The following GPAM variants were observed in gnomAD, a reference collection of about 807,000 sequenced individuals.
GPAM encodes the protein glycerol-3-phosphate acyltransferase 1, mitochondrial.
A neutral mutation model predicts 105.0 loss-of-function variants in GPAM; 56 were observed. The observed-to-expected ratio is 0.53, with a 90% CI of 0.43 to 0.67. The LOEUF is 0.67. Among genes scored for constraint, GPAM ranks in the 30% least tolerant of loss-of-function variants. GPAM has a pLI of 0.00. For synonymous variants in GPAM, 368 were observed against 354.4 expected (o/e 1.04, Z -0.43); for missense variants, 855 against 989.8 (o/e 0.86, Z 1.83).
chr10:112,186,704 G>A (rs951618624), upstream of GPAM, among the ~76,000 whole-genome samples: 11 of 151,844 alleles, frequency 7.2e-5, no homozygotes, highest in Non-Finnish European at 1.0e-4. Context: ...CCGCCACAAC[G>A]CCCAGCTAAT....
At chr10:112,223,794 G>A in the GPAM span, among the ~76,000 whole-genome samples, 7 of 152,172 alleles carry the variant, frequency 4.6e-5, no homozygotes, top group African/African-American at 1.7e-4. Context: ...CACAAAAGCT[G>A]CCAATATAAA....
At chr10:112,172,070 A>G in intron 9 of GPAM, 112 bp downstream of exon 9, 1 of 823,934 alleles carries the variant, frequency 1.2e-6, no homozygotes, top group East Asian at 2.7e-5. Context: ...TAATAAAAGA[A>G]AAAAGGCTAA....
At chr10:112,219,161 C>A (rs960604914), upstream of GPAM, among the ~76,000 whole-genome samples, 1 of 152,188 alleles carries the variant, frequency 6.6e-6, no homozygotes, top group Non-Finnish European at 1.5e-5. Context: ...GTGACAGCAT[C>A]CTCCCAGATT....
rs764956802 is a variant in GPAM, at chr10:112,173,791, G to C, written c.468C>G (p.Ala156=). 5 of 1,612,978 alleles carry C rather than the reference G, an allele frequency of 3.1e-6. No homozygotes were observed. The South Asian group carries it at 5.5e-5, about 18-fold the overall frequency. The change falls in exon 7 of 22, where the codon GCC becomes GCG. Residue 156 remains alanine, a synonymous_variant. Transcript: ENST00000348367. ...VAAELNPDGS[A]QQQSKAVNKV... ...TGTTAACGGCTTTTGATTGCTGCTG[G>C]GCAGAACCATCAGGGTTTAATTCAG...
intron 1 of GPAM, among the ~76,000 whole-genome samples, chr10:112,195,020 G>C (rs1847706329): frequency 6.6e-6 from 1 of 151,958 alleles, no homozygotes. Context: ...ATCTTCACTG[G>C]GGGGCATAAT....
In GPAM at chr10:112,173,772, C is replaced by A. The variant is rs544144219; in HGVS notation, c.487G>T (p.Val163Phe). The change falls in exon 7 of 22, where the codon GTT (valine) becomes TTT (phenylalanine). Residue 163 changes from valine to phenylalanine, a missense_variant. Coordinates refer to ENST00000348367, the MANE Select transcript of GPAM (RefSeq NM_001244949.2). ...DGSAQQQSKA[V>F]NKVKKKAKRI... ...TTAGCTTTCTTTTTCACTTTGTTAACGGCTTTTGATTGCTGCTGGGCAGAA... is the reference window on the plus strand; with the variant it reads ...TTAGCTTTCTTTTTCACTTTGTTAAAGGCTTTTGATTGCTGCTGGGCAGAA... The A allele has an allele frequency of 2.5e-6, 4 of 1,613,590 alleles. No individual in the cohort carries two copies. Among genetic ancestry groups the A allele is most frequent in the Middle Eastern group, 1.7e-4 (1 of 6,060 alleles).
At position 112,152,305 on chromosome 10, in the gene GPAM, T is replaced by C; in HGVS notation, c.*1245A>G. On this transcript the variant is annotated 3_prime_UTR_variant, in exon 22 of 22. Coordinates refer to ENST00000348367, the MANE Select transcript of GPAM (RefSeq NM_001244949.2). ...ATAATAAACCAATAATTATGCTCCC[T>C]GCTCACAAAAGGCACCTACCAATTA... 2 of 984,610 alleles carry C rather than the reference T, an allele frequency of 2.0e-6. No homozygotes were observed. The highest frequency in any genetic ancestry group is 2.4e-6 in the Non-Finnish European group (2 of 829,194). The allele number at this position is 984,610 out of a possible 1,614,324, so 61.0% of individuals were successfully genotyped here. A position where few individuals can be genotyped will look rare whatever the true frequency, so the allele number is the denominator to read the frequency against.
rs1846906652 is a variant in GPAM at position 112,151,007 on chromosome 10, T to C, written c.*2543A>G. On this transcript the variant is annotated 3_prime_UTR_variant, in exon 22 of 22. Transcript: ENST00000348367. ...CACATTTCCCACTAGTTTTTGCCTT[T>C]GTTTTTCATGCATTTTCAGAGTGCA... is the stretch of plus-strand genomic sequence containing the variant. The C allele has an allele frequency of 1.1e-5, 11 of 985,816 alleles. No individual in the cohort carries two copies. Among genetic ancestry groups the C allele is most frequent in the African/African-American group, 1.7e-5 (1 of 57,358 alleles). 61.1% of individuals were successfully genotyped at this position (985,816 alleles called of 1,614,324 possible). A position where few individuals can be genotyped will look rare whatever the true frequency, so the allele number is the denominator to read the frequency against.
chr10:112,222,861 T>TCCATG, the GPAM span, among the ~76,000 whole-genome samples: 1 of 151,904 alleles, frequency 6.6e-6, no homozygotes, highest in East Asian at 1.9e-4. Context: ...GGGTAAATGA[T>TCCATG]CCATGCCATG....
chr10:112,188,748 G>C (rs1374233635), upstream of GPAM, among the ~76,000 whole-genome samples: 1 of 152,146 alleles, frequency 6.6e-6, no homozygotes, highest in Non-Finnish European at 1.5e-5. Context: ...ATATTGACCA[G>C]TATACCTGCT....
chr10:112,224,375 T>C, the GPAM span, among the ~76,000 whole-genome samples: 1 of 152,158 alleles, frequency 6.6e-6, no homozygotes, highest in East Asian at 1.9e-4. Flanking sequence ...GATGCATTCT[T>C]TTAGTATGTA....
chr10:112,193,053 G>A (rs1365606562), intron 1 of GPAM, among the ~76,000 whole-genome samples: 1 of 152,228 alleles, frequency 6.6e-6, no homozygotes, highest in East Asian at 1.9e-4. Context: ...AATCACCTGT[G>A]TCAGTCATGG....
At chr10:112,176,023 CA>C (rs1195104451) in intron 5 of GPAM, among the ~76,000 whole-genome samples, 1 of 152,014 alleles carries the variant, frequency 6.6e-6, no homozygotes, top group African/African-American at 2.4e-5. Context: ...ATTAAAAAGG[CA>C]AAAATGTTTA....
At chr10:112,186,581 C>T (rs1847598937), upstream of GPAM, among the ~76,000 whole-genome samples, 1 of 152,034 alleles carries the variant, frequency 6.6e-6, no homozygotes, top group African/African-American at 2.4e-5. Flanking sequence ...CTCTGTCACC[C>T]AGGCTGGAGT....
At chr10:112,156,231 G>A (rs1847016004) in intron 19 of GPAM, 178 bp from the exon 20 acceptor site, 1 of 640,638 alleles carries the variant, frequency 1.6e-6, no homozygotes, top group Non-Finnish European at 2.8e-6. Flanking sequence ...AACAACTGCT[G>A]GCTTTCAAAC....
chr10:112,212,579 T>A (rs977566380), intron 1 of GPAM, among the ~76,000 whole-genome samples: 2 of 152,158 alleles, frequency 1.3e-5, no homozygotes, highest in Admixed American at 1.3e-4. Context: ...TTACTTTTAA[T>A]AACAGAAACC....
At chr10:112,174,192 T>C (rs181220368) in intron 6 of GPAM, among the ~76,000 whole-genome samples, 1 of 152,244 alleles carries the variant, frequency 6.6e-6, no homozygotes, top group Admixed American at 6.5e-5. Context: ...TTTAGGCATA[T>C]AATTCAGAGG....
Position 112,160,342 on chromosome 10 carries a change from A to C in GPAM, c.1759+262T>G, listed in dbSNP as rs1016415400. 3 of 959,972 alleles carry C rather than the reference A, an allele frequency of 3.1e-6. No homozygotes were observed. In the African/African-American group the frequency reaches 5.3e-5, roughly 17 times the overall value. The allele number at this position is 959,972 out of a possible 1,614,324, so 59.5% of individuals were successfully genotyped here. A position where few individuals can be genotyped will look rare whatever the true frequency, so the allele number is the denominator to read the frequency against. ...TGCTGCTCTGTGTATGTCTCATCTC[A>C]GTTAGATTTTCAGCTCCTGGATAGC... On this transcript the variant is annotated intron_variant, in intron 16 of 21. Coordinates refer to ENST00000348367, the MANE Select transcript of GPAM (RefSeq NM_001244949.2).
intron 6 of GPAM, among the ~76,000 whole-genome samples, chr10:112,175,362 AT>A (rs1847384226): frequency 6.6e-6 from 1 of 152,214 alleles, no homozygotes; most frequent in Admixed American, 6.5e-5. Context: ...TTAGAAACCC[AT>A]TCAATTATTA....
Sources: gnomAD v4.1 joint callset for allele counts (sites outside exome capture counted in the v4.1 genomes callset) on GRCh38, gnomAD v4.1.1 for gene constraint, MANE v1.5 for transcripts, NCBI Gene and HGNC (gene_info 2026-07-23, HGNC 2026-07-21) for gene names.